PCBD2: variants seen among roughly 807,000 people sequenced by gnomAD.
PCBD2 encodes the protein pterin-4-alpha-carbinolamine dehydratase 2.
A neutral mutation model predicts 16.4 loss-of-function variants in PCBD2; 12 were observed. The observed-to-expected ratio is 0.73, with a 90% CI of 0.47 to 1.19. The LOEUF (loss-of-function observed/expected upper bound fraction) is 1.19. Ranked by LOEUF, PCBD2 falls within the 50% of genes most tolerant of loss-of-function variation. The pLI, the probability that PCBD2 is intolerant of heterozygous loss-of-function variation, is 0.00. For synonymous variants in PCBD2, 58 were observed against 61.8 expected (o/e 0.94, Z 0.29); for missense variants, 138 against 156.8 (o/e 0.88, Z 0.64).
At chr5:134,950,100 C>G (rs1180400607) in intron 2 of PCBD2, among the ~76,000 whole-genome samples, 1 of 152,084 alleles carries the variant, frequency 6.6e-6, no homozygotes, top group African/African-American at 2.4e-5. Flanking sequence ...ATATCATTTC[C>G]TTCCATAGCA....
chr5:134,946,604 T>C (rs1751298239), intron 2 of PCBD2, among the ~76,000 whole-genome samples: 1 of 152,246 alleles, frequency 6.6e-6, no homozygotes, highest in Admixed American at 6.5e-5. Context: ...ATTTCATTGA[T>C]GGTGTGCAAC....
At chr5:134,951,829 CATT>C (rs1337483298) in intron 2 of PCBD2, among the ~76,000 whole-genome samples, 2 of 152,028 alleles carry the variant, frequency 1.3e-5, no homozygotes, top group Non-Finnish European at 2.9e-5. Flanking sequence ...TGGTTGGTCT[CATT>C]AATATGTAGG....
intron 2 of PCBD2, among the ~76,000 whole-genome samples, chr5:134,916,081 G>A (rs1390096632): frequency 6.6e-6 from 1 of 152,204 alleles, no homozygotes; most frequent in Non-Finnish European, 1.5e-5. Flanking sequence ...TTGAGCCAAG[G>A]AGTTTGAGGC....
At chr5:134,923,918 T>C (rs1750943983) in intron 2 of PCBD2, 1 of 394,114 alleles carries the variant, frequency 2.5e-6, no homozygotes, top group African/African-American at 2.1e-5. Flanking sequence ...CTGTGGTGAT[T>C]TGGAGGATTA....
At chr5:134,905,919 C>G (rs1383820229) in intron 1 of PCBD2, among the ~76,000 whole-genome samples, 1 of 152,154 alleles carries the variant, frequency 6.6e-6, no homozygotes, top group Admixed American at 6.5e-5. Context: ...ATCGCCGAGC[C>G]CGGAGTGGAG....
intron 2 of PCBD2, among the ~76,000 whole-genome samples, chr5:134,943,718 G>A (rs1352666825): frequency 6.6e-6 from 1 of 152,178 alleles, no homozygotes; most frequent in Admixed American, 6.5e-5. Context: ...GGACCGGTAG[G>A]AATGCAGTGT....
intron 2 of PCBD2, chr5:134,924,773 G>A (rs1398175183): frequency 4.1e-5 from 16 of 394,284 alleles, no homozygotes; most frequent in Non-Finnish European, 6.7e-5. Context: ...ATTGTTTTAG[G>A]TAGTAGCTTT....
chr5:134,953,394 T>C (rs1481544610), intron 2 of PCBD2, among the ~76,000 whole-genome samples: 1 of 149,114 alleles, frequency 6.7e-6, no homozygotes, highest in Non-Finnish European at 1.5e-5. Context: ...ATATATATAA[T>C]ACCTATATAT....
chr5:134,933,001 AT>A (rs981836485), intron 2 of PCBD2, among the ~76,000 whole-genome samples: 14 of 151,776 alleles, frequency 9.2e-5, no homozygotes, highest in African/African-American at 1.9e-4. Context: ...TGGTAAATAA[AT>A]TTTTTTTTAT....
chr5:134,913,533 G>A (rs1283905847), intron 2 of PCBD2, among the ~76,000 whole-genome samples: 1 of 152,184 alleles, frequency 6.6e-6, no homozygotes, highest in Non-Finnish European at 1.5e-5. Flanking sequence ...CAGAGCATGG[G>A]GGCCTTCTTG....
At chr5:134,912,780 A>G (rs942720911) in intron 2 of PCBD2, among the ~76,000 whole-genome samples, 1 of 152,182 alleles carries the variant, frequency 6.6e-6, no homozygotes, top group Non-Finnish European at 1.5e-5. Context: ...AAAGGAGAGC[A>G]CCAAGGACTG....
At chr5:134,938,001 C>T (rs962157636) in intron 2 of PCBD2, among the ~76,000 whole-genome samples, 1 of 152,102 alleles carries the variant, frequency 6.6e-6, no homozygotes, top group African/African-American at 2.4e-5. Flanking sequence ...AGTCTGAAGC[C>T]GCTTGAAGAC....
At chr5:134,959,225 T>G in intron 3 of PCBD2, 105 bp downstream of exon 3, 1 of 785,016 alleles carries the variant, frequency 1.3e-6, no homozygotes, top group Non-Finnish European at 2.0e-6. Context: ...CTTAAGAAAG[T>G]CTTATCCTTT....
chr5:134,905,384 T>G lies in PCBD2; in HGVS notation c.84+161T>G, dbSNP rs1001107112. ...ACCGCGTCCCGGGACTGACCACCTG[T>G]CCGGTGCGCCGCTCAGAGACCGGGG... On this transcript the variant is annotated intron_variant, in intron 1 of 3. Transcript: ENST00000254908. 15 of 531,362 alleles carry G rather than the reference T, an allele frequency of 2.8e-5. No homozygotes were observed. The East Asian group carries it at 3.8e-4, about 13-fold the overall frequency. 32.9% of individuals were successfully genotyped at this position (531,362 alleles called of 1,614,324 possible).
intron 2 of PCBD2, chr5:134,924,159 G>C: frequency 2.5e-6 from 1 of 397,762 alleles, no homozygotes. Flanking sequence ...TGTGGGTTTA[G>C]TAATGGGGTT....
At chr5:134,908,413 C>T (rs1186841693) in intron 1 of PCBD2, among the ~76,000 whole-genome samples, 2 of 151,838 alleles carry the variant, frequency 1.3e-5, no homozygotes, top group Non-Finnish European at 2.9e-5. Context: ...GCCTGTAATC[C>T]CAGCACTTTG....
chr5:134,940,084 G>C (rs911831291), intron 2 of PCBD2, among the ~76,000 whole-genome samples: 2 of 152,128 alleles, frequency 1.3e-5, no homozygotes, highest in Non-Finnish European at 2.9e-5. Flanking sequence ...TCTCCCAGGC[G>C]AAAGAGCTAG....
chr5:134,945,200 T>C (rs1167409660), intron 2 of PCBD2, among the ~76,000 whole-genome samples: 1 of 152,224 alleles, frequency 6.6e-6, no homozygotes, highest in African/African-American at 2.4e-5. Context: ...TCCAGCAGTG[T>C]GCTTTTTTTG....
Position 134,961,670 on chromosome 5 carries a change from A to G in PCBD2, c.*989A>G, listed in dbSNP as rs1224957453. Among the ~76,000 whole-genome samples, 1 of 152,232 alleles carries G rather than the reference A, an allele frequency of 6.6e-6. No individual in the cohort carries two copies. Among genetic ancestry groups the G allele is most frequent in the Non-Finnish European group, 1.5e-5 (1 of 68,044 alleles). ...AGAAATTCAAGCAATTCTGGTGACT[A>G]CAAATGCATTGTTTTGGAGAATAGT... On this transcript the variant is annotated 3_prime_UTR_variant, in exon 4 of 4. Transcript: ENST00000254908.
Sources: gnomAD v4.1 joint callset for allele counts (sites outside exome capture counted in the v4.1 genomes callset) on GRCh38, gnomAD v4.1.1 for gene constraint, MANE v1.5 for transcripts, NCBI Gene and HGNC (gene_info 2026-07-23, HGNC 2026-07-21) for gene names.